Variants in EYS observed in about 807,000 individuals in gnomAD.
EYS encodes EGF-like photoreceptor maintenance factor, also known as protein eyes shut homolog.
Under a neutral mutation model 282.1 loss-of-function variants are expected in EYS, and 250 were observed. The ratio of observed to expected loss-of-function variants is 0.89; its 90% CI spans 0.80 to 0.98. The LOEUF is 0.98. Ranked by LOEUF, EYS falls within the 50% of genes least tolerant of loss-of-function variation. EYS has a pLI of 0.00. For synonymous variants in EYS, 1,355 were observed against 1,282.9 expected (o/e 1.06, Z -1.20); for missense variants, 4,016 against 3,709.0 (o/e 1.08, Z -2.15).
intron 18 of EYS, among the ~76,000 whole-genome samples, chr6:64,895,749 G>C (rs1406495530): frequency 1.3e-5 from 2 of 152,162 alleles, no homozygotes; most frequent in African/African-American, 4.8e-5. Context: ...AAAAAAATAA[G>C]AATCTGAGTT....
chr6:64,358,231 GA>G (rs1771893443), intron 29 of EYS, among the ~76,000 whole-genome samples: 1 of 151,616 alleles, frequency 6.6e-6, no homozygotes, highest in South Asian at 2.1e-4. Flanking sequence ...CTTGCAGCTT[GA>G]TAGAGACTGT....
intron 12 of EYS, among the ~76,000 whole-genome samples, chr6:65,136,196 A>G (rs1186695139): frequency 1.3e-5 from 2 of 152,030 alleles, no homozygotes; most frequent in Non-Finnish European, 2.9e-5. Context: ...GATCCATAGC[A>G]TATTCTTCAT....
intron 28 of EYS, among the ~76,000 whole-genome samples, chr6:64,422,185 T>C (rs1253892511): frequency 6.6e-6 from 1 of 151,002 alleles, no homozygotes; most frequent in Non-Finnish European, 1.5e-5. Context: ...ACAGATAGAC[T>C]TTTTTTTTCT....
intron 2 of EYS, among the ~76,000 whole-genome samples, chr6:65,575,060 G>A (rs1188946424): frequency 1.3e-5 from 2 of 152,088 alleles, no homozygotes; most frequent in African/African-American, 2.4e-5. Flanking sequence ...GGTGGCTCAC[G>A]CCTATAATCC....
chr6:65,247,476 T>C (rs1027677700), intron 12 of EYS, among the ~76,000 whole-genome samples: 3 of 152,116 alleles, frequency 2.0e-5, no homozygotes, highest in African/African-American at 7.2e-5. Context: ...GCCTACTATT[T>C]GTTGCTCTAG....
At chr6:64,435,747 C>T (rs1774720762) in intron 28 of EYS, among the ~76,000 whole-genome samples, 2 of 151,780 alleles carry the variant, frequency 1.3e-5, no homozygotes, top group African/African-American at 2.4e-5. Flanking sequence ...TAAAACATAG[C>T]TTTTGAAAAT....
intron 2 of EYS, among the ~76,000 whole-genome samples, chr6:65,632,396 G>A (rs922449119): frequency 2.6e-5 from 4 of 152,074 alleles, no homozygotes; most frequent in Non-Finnish European, 4.4e-5. Context: ...TTCTGAGCCT[G>A]GACTCCACCA....
chr6:65,070,706 T>A (rs1463072896), intron 12 of EYS, among the ~76,000 whole-genome samples: 1 of 151,700 alleles, frequency 6.6e-6, no homozygotes, highest in Non-Finnish European at 1.5e-5. Flanking sequence ...CTGGATTAGG[T>A]CCCCCTCCTT....
At chr6:65,205,828 G>C (rs1766020819) in intron 12 of EYS, among the ~76,000 whole-genome samples, 1 of 151,688 alleles carries the variant, frequency 6.6e-6, no homozygotes, top group Non-Finnish European at 1.5e-5. Flanking sequence ...AAATCCAAAA[G>C]TTTTGAAACA....
At chr6:63,804,152 G>A (rs190647697) in intron 37 of EYS, among the ~76,000 whole-genome samples, 51 of 152,210 alleles carry the variant, frequency 3.4e-4, no homozygotes, top group Middle Eastern at 3.4e-3. Flanking sequence ...AAGTAGCTAG[G>A]ATTACAGGTG....
chr6:64,891,884 C>A (rs1301586774), intron 18 of EYS, among the ~76,000 whole-genome samples: 1 of 151,816 alleles, frequency 6.6e-6, no homozygotes, highest in Non-Finnish European at 1.5e-5. Flanking sequence ...AAAAATTTCT[C>A]ATTTAAATAA....
At chr6:65,056,212 C>T (rs190358461) in intron 13 of EYS, among the ~76,000 whole-genome samples, 1 of 152,116 alleles carries the variant, frequency 6.6e-6, no homozygotes, top group Admixed American at 6.6e-5. Flanking sequence ...TTGACTTAAT[C>T]TCAGACTTTT....
intron 5 of EYS, among the ~76,000 whole-genome samples, chr6:65,444,764 C>T (rs1300273853): frequency 1.3e-5 from 2 of 151,910 alleles, no homozygotes; most frequent in East Asian, 1.9e-4. Context: ...TCTATAGAGC[C>T]TAACAGGTCA....
chr6:65,116,709 C>CA (rs1313326037), intron 12 of EYS, among the ~76,000 whole-genome samples: 5 of 151,678 alleles, frequency 3.3e-5, no homozygotes, highest in Non-Finnish European at 1.5e-5. Context: ...AAAACAACAA[C>CA]AAAAAAACAA....
chr6:64,512,693 G>T (rs192045921), intron 26 of EYS, among the ~76,000 whole-genome samples: 1 of 151,876 alleles, frequency 6.6e-6, no homozygotes, highest in South Asian at 2.1e-4. Flanking sequence ...AATAATAAAA[G>T]AGATTAAAAG....
chr6:64,946,352 A>G (rs565134729), intron 14 of EYS, among the ~76,000 whole-genome samples: 1 of 152,150 alleles, frequency 6.6e-6, no homozygotes, highest in Non-Finnish European at 1.5e-5. Context: ...TTACAGATAA[A>G]TATTTAAAAT....
At chr6:65,319,436 A>G (rs1769410876) in intron 11 of EYS, among the ~76,000 whole-genome samples, 1 of 151,826 alleles carries the variant, frequency 6.6e-6, no homozygotes, top group African/African-American at 2.4e-5. Flanking sequence ...TTTTAGCAAA[A>G]CATGGGTTTT....
At chr6:65,413,760 G>A (rs1317248705) in intron 5 of EYS, among the ~76,000 whole-genome samples, 1 of 151,952 alleles carries the variant, frequency 6.6e-6, no homozygotes, top group Non-Finnish European at 1.5e-5. Flanking sequence ...GAAGGCTGAG[G>A]CAGAAGAATT....
At chr6:65,329,987 A>G in intron 11 of EYS, 4 of 982,430 alleles carry the variant, frequency 4.1e-6, no homozygotes, top group Non-Finnish European at 4.8e-6. Context: ...ATCTCCTAAA[A>G]TAGCCTGTAA....
Sources: gnomAD v4.1 joint callset for allele counts (sites outside exome capture counted in the v4.1 genomes callset) on GRCh38, gnomAD v4.1.1 for gene constraint, MANE v1.5 for transcripts, NCBI Gene and HGNC (gene_info 2026-07-23, HGNC 2026-07-21) for gene names.